The following PCDHGA4 variants were observed in gnomAD, a reference collection of about 807,000 sequenced individuals.
PCDHGA4 encodes the protein protocadherin gamma-A4.
A neutral mutation model predicts 54.6 loss-of-function variants in PCDHGA4; 38 were observed. That is an observed-to-expected ratio of 0.70 (90% confidence interval 0.54 to 0.91). PCDHGA4 has a LOEUF of 0.91. PCDHGA4 is among the 40% of genes least tolerant of loss of function. The pLI, the probability that PCDHGA4 is intolerant of heterozygous loss-of-function variation, is 0.00. For missense variants in PCDHGA4, 1,298 were observed against 1,220.9 expected (o/e 1.06, Z -0.94); for synonymous variants, 511 against 512.9 (o/e 1.00, Z 0.05).
rs543209695 is a variant in PCDHGA4 at position 141,431,563 on chromosome 5, C to T, written c.2515-63244C>T. 24 of 1,614,026 alleles carry T rather than the reference C, an allele frequency of 1.5e-5. No individual in the cohort carries two copies. Among genetic ancestry groups the T allele is most frequent in the Non-Finnish European group, 1.9e-5 (23 of 1,180,046 alleles). ...AGCTGCTTGTAGTCAACGCTACCGA[C>T]CCTGACGAAGGAGTCAATGCGGAAG... On this transcript the variant is annotated intron_variant, in intron 1 of 3. Transcript: ENST00000571252. The surrounding 1 kb of genome is among the most constrained non-coding windows in gnomAD (Gnocchi z 4.8).
chr5:141,405,375 C>T lies in PCDHGA4; in HGVS notation c.2514+47754C>T, dbSNP rs368501516. On this transcript the variant is annotated intron_variant, in intron 1 of 3. Transcript: ENST00000571252. ...CCTATAGAAGACACCCCTTTGGTTC[C>T]GGTGAGTTCATTTTTTTTCTTTCTT... The T allele has an allele frequency of 3.2e-5, 51 of 1,602,124 alleles. No individual in the cohort carries two copies. Among genetic ancestry groups the T allele is most frequent in the East Asian group, 6.7e-5 (3 of 44,850 alleles).
chr5:141,489,447 G>A lies in PCDHGA4; in HGVS notation c.2515-5360G>A. The A allele has an allele frequency of 5.6e-6, 9 of 1,614,134 alleles. No homozygotes were observed. The highest frequency in any genetic ancestry group is 7.6e-6 in the Non-Finnish European group (9 of 1,180,028). ...GCCGGCGGCTGCAATTGGGCTCTGA[G>A]GAGAATGGGCGCTATTTTTCCCTGA... On this transcript the variant is annotated intron_variant, in intron 1 of 3. Coordinates refer to ENST00000571252, the MANE Select transcript of PCDHGA4 (RefSeq NM_018917.4). This position sits in a 1 kb window ranked among gnomAD's most constrained non-coding sequence, Gnocchi z 4.5.
intron 1 of PCDHGA4, among the ~76,000 whole-genome samples, chr5:141,474,463 T>C (rs1447737626): frequency 6.6e-6 from 1 of 152,228 alleles, no homozygotes; most frequent in Admixed American, 6.5e-5. Flanking sequence ...GCTATACTCT[T>C]TATTCTAAAT....
intron 1 of PCDHGA4, chr5:141,399,809 C>A (rs547922730): frequency 1.2e-6 from 2 of 1,613,222 alleles, no homozygotes; most frequent in Admixed American, 1.7e-5. Flanking sequence ...GTGCTGTACC[C>A]CGCGCTGGGT....
chr5:141,478,758 T>C (rs1333135263), intron 1 of PCDHGA4: 2 of 1,515,540 alleles, frequency 1.3e-6, no homozygotes, highest in South Asian at 1.3e-5. Flanking sequence ...AGGGGGAAGA[T>C]ACTTGACTCA....
intron 1 of PCDHGA4, chr5:141,360,024 G>A: frequency 7.5e-7 from 1 of 1,336,490 alleles, no homozygotes; most frequent in South Asian, 1.6e-5. Flanking sequence ...GAGAAGGCCA[G>A]TATAGATTCG....
rs770638374 is a variant in PCDHGA4 at position 141,409,524 on chromosome 5, A to G, written c.2514+51903A>G. On this transcript the variant is annotated intron_variant, in intron 1 of 3. Coordinates refer to ENST00000571252, the MANE Select transcript of PCDHGA4 (RefSeq NM_018917.4). ...TCTTCCAGTAGAAGCATCACCTTGTATGTCGCTGACATCAACGACAACGCC... is the reference window on the plus strand; with the variant it reads ...TCTTCCAGTAGAAGCATCACCTTGTGTGTCGCTGACATCAACGACAACGCC... 11 of 1,613,972 alleles carry G rather than the reference A, an allele frequency of 6.8e-6. No homozygotes were observed. In the South Asian group the frequency reaches 1.1e-4, roughly 16 times the overall value.
intron 1 of PCDHGA4, among the ~76,000 whole-genome samples, chr5:141,401,282 C>G (rs963741934): frequency 4.0e-5 from 6 of 151,884 alleles, no homozygotes; most frequent in African/African-American, 1.5e-4. Context: ...GTGGAGGTTG[C>G]GGTGAGCCGA....
intron 1 of PCDHGA4, chr5:141,424,481 G>A (rs1397559058): frequency 6.6e-6 from 1 of 152,056 alleles, no homozygotes; most frequent in Non-Finnish European, 1.5e-5. Flanking sequence ...TTACTTTGGT[G>A]TCTGTGTTTG....
In PCDHGA4 at chr5:141,404,090, G is replaced by T. The variant is rs1014506897; in HGVS notation, c.2514+46469G>T. On this transcript the variant is annotated intron_variant, in intron 1 of 3. Transcript: ENST00000571252. ...TCATGACCGAGACTCCGGGAAGAATGGTCAAGTTGTCTGTTCTATCCAGGA... is the reference window on the plus strand; with the variant it reads ...TCATGACCGAGACTCCGGGAAGAATTGTCAAGTTGTCTGTTCTATCCAGGA... 4 of 1,613,262 alleles carry T rather than the reference G, an allele frequency of 2.5e-6. No homozygotes were observed. In the Admixed American group the frequency reaches 6.7e-5, roughly 27 times the overall value.
At chr5:141,424,577 A>T (rs958508704) in intron 1 of PCDHGA4, 1 of 152,206 alleles carries the variant, frequency 6.6e-6, no homozygotes, top group Non-Finnish European at 1.5e-5. Context: ...ACCTATTTTC[A>T]AATGTGCTAA....
At chr5:141,363,620 A>G (rs779987029) in intron 1 of PCDHGA4, among the ~76,000 whole-genome samples, 3 of 152,264 alleles carry the variant, frequency 2.0e-5, no homozygotes, top group Admixed American at 1.3e-4. Context: ...TAGTGGAGAG[A>G]CTTTCTCAAA....
chr5:141,422,723 G>A lies in PCDHGA4; in HGVS notation c.2514+65102G>A. The stretch of plus-strand genomic sequence containing the variant: ...TCTCTGACGGATGACACTGTCCAGG[G>A]GGTGCCTCTGTCCTCCTATGTCTCT... On this transcript the variant is annotated intron_variant, in intron 1 of 3. Coordinates refer to ENST00000571252, the MANE Select transcript of PCDHGA4 (RefSeq NM_018917.4). The A allele has an allele frequency of 1.2e-6, 2 of 1,605,958 alleles. No homozygotes were observed. The highest frequency in any genetic ancestry group is 1.7e-6 in the Non-Finnish European group (2 of 1,175,478).
chr5:141,408,752 G>A (rs780102602), intron 1 of PCDHGA4: 8 of 1,610,388 alleles, frequency 5.0e-6, no homozygotes, highest in Non-Finnish European at 5.9e-6. Flanking sequence ...AATGGTTAGA[G>A]TTAATTCCGA....
At chr5:141,362,648 T>G in intron 1 of PCDHGA4, 1 of 1,442,070 alleles carries the variant, frequency 6.9e-7, no homozygotes, top group African/African-American at 1.4e-5. Flanking sequence ...TGTCTGTGAG[T>G]TAGATTTGGC....
At chr5:141,444,599 A>G (rs373366708) in intron 1 of PCDHGA4, among the ~76,000 whole-genome samples, 2 of 152,108 alleles carry the variant, frequency 1.3e-5, no homozygotes, top group African/African-American at 2.4e-5. Flanking sequence ...CCTTATTTAA[A>G]ATTGATTTTT....
At chr5:141,398,502 C>A in intron 1 of PCDHGA4, 1 of 1,596,962 alleles carries the variant, frequency 6.3e-7, no homozygotes, top group Admixed American at 1.7e-5. Flanking sequence ...AGATCGAGGA[C>A]ATTAATGACC....
chr5:141,487,750 T>A lies in PCDHGA4; in HGVS notation c.2515-7057T>A, dbSNP rs2099664307. On this transcript the variant is annotated intron_variant, in intron 1 of 3. Coordinates refer to ENST00000571252, the MANE Select transcript of PCDHGA4 (RefSeq NM_018917.4). The surrounding 1 kb of genome is among the most constrained non-coding windows in gnomAD (Gnocchi z 5.0). Reference sequence around the variant, plus strand: ...TCACCATTTTTGTAAGAGGTAACTATGTGGTAGACGCTGTGCTTTGTAACT... The same window carrying A: ...TCACCATTTTTGTAAGAGGTAACTAAGTGGTAGACGCTGTGCTTTGTAACT... 1 of 1,555,392 alleles carries A rather than the reference T, an allele frequency of 6.4e-7. No homozygotes were observed. Among genetic ancestry groups the A allele is most frequent in the African/African-American group, 1.4e-5 (1 of 73,376 alleles).
intron 1 of PCDHGA4, among the ~76,000 whole-genome samples, chr5:141,450,572 T>A (rs1276283357): frequency 6.6e-6 from 1 of 151,710 alleles, no homozygotes; most frequent in African/African-American, 2.4e-5. Flanking sequence ...CTGCAACTTC[T>A]GCCTCCCAGG....
Sources: gnomAD v4.1 joint callset for allele counts (sites outside exome capture counted in the v4.1 genomes callset) on GRCh38, gnomAD v4.1.1 for gene constraint, Gnocchi (gnomAD v3.1) non-coding constraint, MANE v1.5 for transcripts, NCBI Gene and HGNC (gene_info 2026-07-23, HGNC 2026-07-21) for gene names.